Variants in ATP11B observed in about 807,000 individuals in gnomAD.
ATP11B encodes the protein ATPase phospholipid transporting 11B (putative), also known as phospholipid-transporting ATPase IF.
In ATP11B, 81 loss-of-function variants were observed where a neutral mutation model predicts 157.8. The ratio of observed to expected loss-of-function variants is 0.51; its 90% CI spans 0.43 to 0.62. ATP11B has a LOEUF of 0.62. ATP11B is among the 20% of genes least tolerant of loss of function. The pLI is 0.00. For missense variants in ATP11B, 1,165 were observed against 1,402.2 expected, an observed-to-expected ratio of 0.83 and a Z score of 2.70; for synonymous variants, 451 against 469.4, an observed-to-expected ratio of 0.96 and a Z score of 0.51.
At chr3:182,793,960 C>T (rs1477878221) in intron 1 of ATP11B, among the ~76,000 whole-genome samples, 174 bp downstream of exon 1, 3 of 151,884 alleles carry the variant, frequency 2.0e-5, no homozygotes, top group South Asian at 2.1e-4. Flanking sequence ...GTGCGGCTCC[C>T]GGGCTCGTCT....
At chr3:182,851,481 A>T (rs1047559364) in intron 10 of ATP11B, among the ~76,000 whole-genome samples, 1 of 152,138 alleles carries the variant, frequency 6.6e-6, no homozygotes, top group South Asian at 2.1e-4. Context: ...CAAATGATTA[A>T]TTTTAAGCTT....
chr3:182,811,247 T>G (rs933637467), intron 1 of ATP11B, among the ~76,000 whole-genome samples: 1 of 152,224 alleles, frequency 6.6e-6, no homozygotes, highest in African/African-American at 2.4e-5. Flanking sequence ...TAATCTTTCT[T>G]CAATTTTCCT....
Position 182,898,617 on chromosome 3 carries a change from G to T in ATP11B, c.3163G>T (p.Gly1055Cys). ...TTTCTTTCTTTGCAGGCCATTTTTGGGCTCCCAGAATATGTATTTTGTGTT... is the reference window on the plus strand; with the variant it reads ...TTTCTTTCTTTGCAGGCCATTTTTGTGCTCCCAGAATATGTATTTTGTGTT... ...FYGGILWPFL[G>C]SQNMYFVFIQ... Residue 1055 changes from glycine (G) to cysteine (C), a missense_variant, in exon 28 of 30, where the codon GGC becomes TGC. By Grantham distance (159) the Gly-to-Cys change is radical. Coordinates refer to ENST00000323116, the MANE Select transcript of ATP11B (RefSeq NM_014616.3). 2 of 1,583,790 alleles carry T rather than the reference G, an allele frequency of 1.3e-6. No homozygotes were observed. Among genetic ancestry groups the T allele is most frequent in the Non-Finnish European group, 1.7e-6 (2 of 1,166,862 alleles).
chr3:182,817,526 G>A (rs1217090885), intron 1 of ATP11B, among the ~76,000 whole-genome samples: 1 of 152,158 alleles, frequency 6.6e-6, no homozygotes, highest in African/African-American at 2.4e-5. Flanking sequence ...TGATCTGCCT[G>A]CCTCGGCCTC....
At chr3:182,833,882 T>C (rs1028321073) in intron 4 of ATP11B, 1 of 152,230 alleles carries the variant, frequency 6.6e-6, no homozygotes, top group East Asian at 1.9e-4. Flanking sequence ...ATTGTAAGTC[T>C]AACTAATGTT....
chr3:182,898,916 G>A, intron 28 of ATP11B, 144 bp downstream of exon 28: 1 of 513,812 alleles, frequency 1.9e-6, no homozygotes, highest in Non-Finnish European at 3.1e-6. Flanking sequence ...ACATTGTTCA[G>A]TGTGATATTT....
intron 4 of ATP11B, among the ~76,000 whole-genome samples, chr3:182,835,519 G>A (rs1718481810): frequency 6.6e-6 from 1 of 152,106 alleles, no homozygotes; most frequent in African/African-American, 2.4e-5. Context: ...TTGTCAAGAT[G>A]GGAAACATTG....
intron 1 of ATP11B, among the ~76,000 whole-genome samples, chr3:182,812,720 T>C (rs760916000): frequency 3.9e-5 from 6 of 152,180 alleles, no homozygotes; most frequent in Non-Finnish European, 5.9e-5. Context: ...TTGTGTGAAA[T>C]ATACATAATA....
At chr3:182,799,042 T>C (rs1715808366) in intron 1 of ATP11B, among the ~76,000 whole-genome samples, 1 of 152,254 alleles carries the variant, frequency 6.6e-6, no homozygotes, top group Non-Finnish European at 1.5e-5. Flanking sequence ...AAGAAAGTTT[T>C]TGATTCTAAG....
chr3:182,901,964 G>GGTC (rs1330203979), intron 28 of ATP11B, among the ~76,000 whole-genome samples: 1 of 151,932 alleles, frequency 6.6e-6, no homozygotes, highest in African/African-American at 2.4e-5. Context: ...TGTTCTAGGT[G>GGTC]GTCTAATCCA....
chr3:182,821,756 T>G (rs1045127236), intron 2 of ATP11B, among the ~76,000 whole-genome samples: 3 of 152,210 alleles, frequency 2.0e-5, no homozygotes, highest in African/African-American at 7.2e-5. Context: ...GACTAGTGGC[T>G]TGGACGGTAC....
intron 28 of ATP11B, chr3:182,902,528 G>C (rs1560126696): frequency 7.8e-7 from 1 of 1,289,544 alleles, no homozygotes; most frequent in East Asian, 5.5e-5. Context: ...TCGCACTGCA[G>C]CCATTGTCGA....
At chr3:182,889,350 G>A in intron 24 of ATP11B, 60 bp from the exon 25 acceptor site, 2 of 1,206,308 alleles carry the variant, frequency 1.7e-6, no homozygotes, top group Non-Finnish European at 2.3e-6. Flanking sequence ...TATATTAATT[G>A]TTTAGTGGGC....
intron 1 of ATP11B, among the ~76,000 whole-genome samples, chr3:182,809,422 T>A (rs903720844): frequency 2.6e-5 from 4 of 152,080 alleles, no homozygotes; most frequent in African/African-American, 9.7e-5. Flanking sequence ...CTAATTTTTG[T>A]ATTTTTAGTA....
intron 28 of ATP11B, among the ~76,000 whole-genome samples, chr3:182,907,757 T>C (rs925845813): frequency 6.6e-6 from 1 of 152,222 alleles, no homozygotes; most frequent in African/African-American, 2.4e-5. Context: ...ACTAAAACTA[T>C]AAAATTGTGT....
At chr3:182,837,991 C>T (rs933060218) in intron 7 of ATP11B, among the ~76,000 whole-genome samples, 1 of 152,040 alleles carries the variant, frequency 6.6e-6, no homozygotes, top group Non-Finnish European at 1.5e-5. Flanking sequence ...TAAATTACAG[C>T]AAATTTGTAG....
chr3:182,911,193 C>CTGCT (rs1318923555), intron 28 of ATP11B, among the ~76,000 whole-genome samples: 1 of 151,388 alleles, frequency 6.6e-6, no homozygotes, highest in Non-Finnish European at 1.5e-5. Flanking sequence ...ACACACCACA[C>CTGCT]TGCTGCCCAC....
chr3:182,889,603 T>A, intron 25 of ATP11B, 55 bp downstream of exon 25: 1 of 1,394,076 alleles, frequency 7.2e-7, no homozygotes, highest in Non-Finnish European at 9.6e-7. Context: ...GGGTTTTTTA[T>A]AGCTTTTGTC....
intron 28 of ATP11B, among the ~76,000 whole-genome samples, chr3:182,904,096 A>G (rs1724161322): frequency 1.3e-5 from 2 of 152,178 alleles, no homozygotes; most frequent in African/African-American, 2.4e-5. Context: ...CCACTCTCCA[A>G]TCAGGTGGTG....
Sources: allele counts gnomAD v4.1 joint callset (sites outside exome capture counted in the v4.1 genomes callset), GRCh38; gene constraint gnomAD v4.1.1; transcripts MANE v1.5; gene names NCBI Gene and HGNC (gene_info 2026-07-23, HGNC 2026-07-21).